Variants in TENM4 observed in about 807,000 individuals in gnomAD.
TENM4 encodes the protein teneurin-4.
Under a neutral mutation model 243.3 loss-of-function variants are expected in TENM4, and 82 were observed. The observed-to-expected ratio is 0.34, with a 90% CI of 0.28 to 0.40. The LOEUF is 0.40. Ranked by LOEUF, TENM4 falls within the 10% of genes least tolerant of loss-of-function variation. The pLI, the probability that TENM4 is intolerant of heterozygous loss-of-function variation, is 1.00. For synonymous variants in TENM4, 1,412 were observed against 1,456.3 expected (o/e 0.97, Z 0.69); for missense variants, 3,138 against 3,673.3 (o/e 0.85, Z 3.77).
At chr11:79,223,866 C>T (rs1864208956) in intron 2 of TENM4, among the ~76,000 whole-genome samples, 1 of 152,190 alleles carries the variant, frequency 6.6e-6, no homozygotes, top group East Asian at 1.9e-4. Flanking sequence ...GTCATAGGTG[C>T]TGTGCGTCAA....
chr11:78,859,866 T>C (rs1858773345), intron 10 of TENM4, among the ~76,000 whole-genome samples: 1 of 152,232 alleles, frequency 6.6e-6, no homozygotes, highest in African/African-American at 2.4e-5. Flanking sequence ...GCCCACCAAT[T>C]CAACCATCAG....
At chr11:79,207,857 C>T (rs1251327892) in intron 3 of TENM4, among the ~76,000 whole-genome samples, 1 of 110,914 alleles carries the variant, frequency 9.0e-6, no homozygotes, top group Non-Finnish European at 1.7e-5. Flanking sequence ...CAGAGCCAGA[C>T]TCTGTCTCAA....
In TENM4 at chr11:78,770,980, C is replaced by T. The variant is rs1195619502; in HGVS notation, c.2539+12G>A. The stretch of plus-strand genomic sequence containing the variant: ...TGGAGCCGCCTGGAGCCCATGGGTG[C>T]CAGAGCCCTACCTCCATCATTGTCT... On this transcript the variant is annotated intron_variant, in intron 18 of 33. Coordinates refer to ENST00000278550, the MANE Select transcript of TENM4 (RefSeq NM_001098816.3). The T allele has an allele frequency of 6.3e-7, 1 of 1,576,472 alleles. No homozygotes were observed. The highest frequency in any genetic ancestry group is 1.8e-5 in the Admixed American group (1 of 54,846).
chr11:78,709,885 C>T (rs1859356451), intron 26 of TENM4, among the ~76,000 whole-genome samples: 1 of 152,224 alleles, frequency 6.6e-6, no homozygotes, highest in African/African-American at 2.4e-5. Context: ...TAGTAATTTC[C>T]ATCCCAGGTT....
rs1455301602 is a variant in TENM4 at position 78,754,390 on chromosome 11, A to G, written c.2756+2415T>C. Among the ~76,000 whole-genome samples the G allele has an allele frequency of 2.0e-5, 3 of 152,180 alleles. No individual in the cohort carries two copies. In the East Asian group the frequency reaches 5.8e-4, roughly 29 times the overall value. ...CTGTGTGCAGGTCCCACAGTGGCTC[A>G]TGGCGCTTAAGCAGCAGGCTCAGGA... On this transcript the variant is annotated intron_variant, in intron 19 of 33. Coordinates refer to ENST00000278550, the MANE Select transcript of TENM4 (RefSeq NM_001098816.3).
intron 1 of TENM4, among the ~76,000 whole-genome samples, chr11:79,334,644 A>G (rs142511196): frequency 6.6e-6 from 1 of 152,328 alleles, no homozygotes; most frequent in East Asian, 1.9e-4. Context: ...AGCATTTTGC[A>G]AGATAGGTTC....
chr11:79,296,325 C>CG (rs869285068), intron 2 of TENM4, among the ~76,000 whole-genome samples: 1 of 151,614 alleles, frequency 6.6e-6, no homozygotes, highest in Non-Finnish European at 1.5e-5. Context: ...AGAAGGGGGC[C>CG]GGGGGGCTGT....
intron 1 of TENM4, among the ~76,000 whole-genome samples, chr11:79,330,381 TC>T (rs1857042775): frequency 6.6e-6 from 1 of 152,154 alleles, no homozygotes. Flanking sequence ...CTCTGCTCAG[TC>T]CCTGCCTTCT....
Position 79,064,771 on chromosome 11 carries a change from G to C in TENM4, c.460C>G (p.Leu154Val), listed in dbSNP as rs1023779877. Reference sequence around the variant, plus strand: ...GTGTTTTCATGCTCGGTGTCGGTGAGTGTGAGATTGGAATTGGCCCGGCTG... The same window carrying C: ...GTGTTTTCATGCTCGGTGTCGGTGACTGTGAGATTGGAATTGGCCCGGCTG... ...LSSRANSNLT[L>V]TDTEHENTET... Residue 154 changes from leucine to valine, a missense_variant, in exon 6 of 34, where the codon CTC becomes GTC. Physicochemically the swap from Leu to Val is conservative, Grantham distance 32. This residue lies in a region of TENM4 where 671 missense variants were observed against 614.1 expected (regional missense o/e 1.09). Coordinates refer to ENST00000278550, the MANE Select transcript of TENM4 (RefSeq NM_001098816.3). The C allele has an allele frequency of 5.8e-6, 9 of 1,551,564 alleles. No individual in the cohort carries two copies. The Admixed American group carries it at 1.6e-4, about 27-fold the overall frequency.
intron 6 of TENM4, among the ~76,000 whole-genome samples, chr11:78,951,944 C>T (rs1208520348): frequency 1.3e-5 from 2 of 152,172 alleles, no homozygotes; most frequent in African/African-American, 2.4e-5. Context: ...GTAGTTAGCA[C>T]CTTTCTCTAG....
chr11:78,729,027 C>G (rs548994931), intron 22 of TENM4, among the ~76,000 whole-genome samples: 1 of 152,200 alleles, frequency 6.6e-6, no homozygotes, highest in East Asian at 1.9e-4. Flanking sequence ...TTTTAGCTCT[C>G]CTATTTTAAT....
intron 3 of TENM4, among the ~76,000 whole-genome samples, chr11:79,193,685 G>GAC (rs1000586808): frequency 2.6e-5 from 4 of 152,296 alleles, no homozygotes; most frequent in African/African-American, 9.6e-5. Flanking sequence ...CAGTGCCAGG[G>GAC]ACACGGTGGC....
chr11:78,704,509 T>G (rs986436333), intron 27 of TENM4, among the ~76,000 whole-genome samples: 2 of 151,974 alleles, frequency 1.3e-5, no homozygotes, highest in Admixed American at 1.3e-4. Flanking sequence ...TGGAATACTG[T>G]GTGTAGTTGT....
At chr11:79,309,214 G>T (rs769440849) in intron 1 of TENM4, among the ~76,000 whole-genome samples, 2 of 152,196 alleles carry the variant, frequency 1.3e-5, no homozygotes, top group Non-Finnish European at 2.9e-5. Flanking sequence ...AAATTCTTTG[G>T]TATTAAAAAC....
chr11:78,867,004 G>C (rs1022741920), intron 9 of TENM4, among the ~76,000 whole-genome samples: 5 of 152,156 alleles, frequency 3.3e-5, no homozygotes, highest in African/African-American at 1.2e-4. Flanking sequence ...TATGGGACAC[G>C]TGAGATGTTT....
At chr11:78,936,558 T>C (rs1856788783) in intron 6 of TENM4, among the ~76,000 whole-genome samples, 2 of 152,208 alleles carry the variant, frequency 1.3e-5, no homozygotes, top group Non-Finnish European at 1.5e-5. Flanking sequence ...AAAGAGTATT[T>C]ACCAAGTACC....
At chr11:78,814,646 A>G (rs2136107265) in intron 12 of TENM4, among the ~76,000 whole-genome samples, 1 of 152,380 alleles carries the variant, frequency 6.6e-6, no homozygotes, top group South Asian at 2.1e-4. Context: ...ATTTGTATCT[A>G]CAAACACATT....
chr11:79,299,971 G>T (rs765728938), intron 1 of TENM4, among the ~76,000 whole-genome samples: 12 of 152,096 alleles, frequency 7.9e-5, no homozygotes, highest in Non-Finnish European at 1.0e-4. Context: ...TACAAACTAC[G>T]CAGAAACAGG....
At chr11:78,748,657 A>G (rs1447473497) in intron 19 of TENM4, among the ~76,000 whole-genome samples, 1 of 152,190 alleles carries the variant, frequency 6.6e-6, no homozygotes, top group Non-Finnish European at 1.5e-5. Context: ...CCCTATGACC[A>G]TGGCCCAGAT....
Sources: allele counts gnomAD v4.1 joint callset (sites outside exome capture counted in the v4.1 genomes callset), GRCh38; gene constraint gnomAD v4.1.1; regional missense constraint gnomAD v4.1.1; transcripts MANE v1.5; gene names NCBI Gene and HGNC (gene_info 2026-07-23, HGNC 2026-07-21).